The following MRTFA variants were observed in gnomAD, a reference collection of about 807,000 sequenced individuals.
MRTFA encodes myocardin related transcription factor A.
In MRTFA, 20 loss-of-function variants were observed where a neutral mutation model predicts 83.5. That is an observed-to-expected ratio of 0.24 (90% CI 0.17 to 0.35). The LOEUF (loss-of-function observed/expected upper bound fraction) is 0.35. Ranked by LOEUF, MRTFA falls within the 10% of genes least tolerant of loss-of-function variation. The probability of loss-of-function intolerance (pLI) is 1.00; values close to 1 mark genes in which losing one functional copy is unlikely to be tolerated. For missense variants in MRTFA, 1,200 were observed against 1,224.7 expected (o/e 0.98, Z 0.30); for synonymous variants, 659 against 541.2 (o/e 1.22, Z -3.02).
intron 4 of MRTFA, among the ~76,000 whole-genome samples, chr22:40,438,826 C>T (rs1244336530): frequency 6.6e-6 from 1 of 151,690 alleles, no homozygotes; most frequent in Non-Finnish European, 1.5e-5. Flanking sequence ...TTTCAGATAT[C>T]CACTAGGGGG....
intron 3 of MRTFA, among the ~76,000 whole-genome samples, chr22:40,544,227 C>A (rs995986022): frequency 3.3e-5 from 5 of 152,068 alleles, no homozygotes; most frequent in Non-Finnish European, 1.5e-5. Context: ...TTTAGAAATT[C>A]TTTTTGTGTT....
chr22:40,549,582 C>G (rs1415603454), intron 3 of MRTFA, among the ~76,000 whole-genome samples: 1 of 152,118 alleles, frequency 6.6e-6, no homozygotes, highest in African/African-American at 2.4e-5. Context: ...GGAAGAAGCA[C>G]AAGGTGGGGA....
chr22:40,629,618 T>A (rs1228237712), intron 1 of MRTFA, among the ~76,000 whole-genome samples: 2 of 147,000 alleles, frequency 1.4e-5, no homozygotes, highest in Non-Finnish European at 1.5e-5. Context: ...TATATACATA[T>A]ACAAAAAATT....
chr22:40,478,482 ACCCACGGAGGGC>A (rs1026003574), intron 3 of MRTFA, among the ~76,000 whole-genome samples: 3 of 152,110 alleles, frequency 2.0e-5, no homozygotes, highest in African/African-American at 7.2e-5. Context: ...TATTTTCAAA[ACCCACGGAGGGC>A]CTTTTCCTCT....
intron 1 of MRTFA, among the ~76,000 whole-genome samples, chr22:40,609,999 A>G (rs1234171026): frequency 6.6e-6 from 1 of 150,664 alleles, no homozygotes; most frequent in Non-Finnish European, 1.5e-5. Context: ...AACTATCAAG[A>G]TTACACATAC....
intron 1 of MRTFA, among the ~76,000 whole-genome samples, chr22:40,620,124 ATTT>A (rs35417531): frequency 3.8e-5 from 5 of 131,474 alleles, no homozygotes; most frequent in African/African-American, 5.7e-5. Flanking sequence ...CACCCAGCTA[ATTT>A]TTTTTTTTTT....
chr22:40,436,788 A>C (rs2053178489), intron 4 of MRTFA, among the ~76,000 whole-genome samples: 1 of 152,220 alleles, frequency 6.6e-6, no homozygotes, highest in Non-Finnish European at 1.5e-5. Flanking sequence ...TAGAATTTCC[A>C]AAGAGCTGTG....
chr22:40,550,437 G>C (rs1054730839), intron 3 of MRTFA, among the ~76,000 whole-genome samples: 4 of 152,080 alleles, frequency 2.6e-5, no homozygotes, highest in Non-Finnish European at 5.9e-5. Flanking sequence ...TGGACAGAGA[G>C]ACCAGTCAAA....
rs767891309 is a variant in MRTFA, at chr22:40,411,484, C to T, written c.3002G>A (p.Ser1001Asn). 1.1e-5 allele frequency: 18 copies of T among 1,609,902 alleles called. No homozygotes were observed. The highest frequency in any genetic ancestry group is 1.7e-5 in the Admixed American group (1 of 59,918). The change falls in exon 15 of 15, where the codon AGC becomes AAC. Residue 1001 changes from serine to asparagine, a missense_variant. Ser to Asn is a conservative substitution (Grantham distance 46). Coordinates refer to ENST00000355630, the MANE Select transcript of MRTFA (RefSeq NM_020831.6). ...GGCTGTGGTGCTGAGGGGGGCTAGGCTCAGCACGGGACCACCTGACGACAG... is the reference window on the plus strand; with the variant it reads ...GGCTGTGGTGCTGAGGGGGGCTAGGTTCAGCACGGGACCACCTGACGACAG...
At chr22:40,485,650 T>C (rs1199204140) in intron 3 of MRTFA, among the ~76,000 whole-genome samples, 1 of 152,158 alleles carries the variant, frequency 6.6e-6, no homozygotes, top group Non-Finnish European at 1.5e-5. Flanking sequence ...CTCCTACCTA[T>C]TCCTAGATGG....
At chr22:40,515,651 G>A (rs1022969954) in intron 3 of MRTFA, among the ~76,000 whole-genome samples, 10 of 152,164 alleles carry the variant, frequency 6.6e-5, no homozygotes, top group Non-Finnish European at 1.2e-4. Context: ...CAGAGAGGCA[G>A]ATGGAACCTA....
At chr22:40,465,587 G>T (rs138676150) in intron 3 of MRTFA, among the ~76,000 whole-genome samples, 106 of 152,166 alleles carry the variant, frequency 7.0e-4, no homozygotes, top group African/African-American at 2.5e-3. Context: ...TTGAGACAAG[G>T]TCTCACTCTG....
At chr22:40,502,465 C>T (rs969000268) in intron 3 of MRTFA, among the ~76,000 whole-genome samples, 3 of 138,114 alleles carry the variant, frequency 2.2e-5, no homozygotes, top group African/African-American at 8.2e-5. Flanking sequence ...AGACGATGGG[C>T]GGCCGGGCAG....
intron 3 of MRTFA, among the ~76,000 whole-genome samples, chr22:40,510,806 T>C (rs1487347250): frequency 1.3e-5 from 2 of 151,896 alleles, no homozygotes; most frequent in Non-Finnish European, 2.9e-5. Flanking sequence ...AGCACACATC[T>C]CAGAAGAGAC....
At chr22:40,518,104 T>C (rs1327329419) in intron 3 of MRTFA, among the ~76,000 whole-genome samples, 1 of 152,144 alleles carries the variant, frequency 6.6e-6, no homozygotes, top group Non-Finnish European at 1.5e-5. Flanking sequence ...ATTTGGCTGT[T>C]CCTGAGTTTT....
intron 4 of MRTFA, among the ~76,000 whole-genome samples, chr22:40,460,430 G>A (rs1030869092): frequency 2.0e-5 from 3 of 152,180 alleles, no homozygotes; most frequent in African/African-American, 7.2e-5. Flanking sequence ...CAGAATTAGT[G>A]CTGTAATTAC....
chr22:40,426,335 C>T (rs1362918417), intron 7 of MRTFA, among the ~76,000 whole-genome samples: 1 of 152,082 alleles, frequency 6.6e-6, no homozygotes. Flanking sequence ...CTCTCATCTC[C>T]TTGACTCTTT....
At chr22:40,420,821 G>GC (rs1798944931) in intron 10 of MRTFA, 26 bp downstream of exon 10, 3 of 1,611,434 alleles carry the variant, frequency 1.9e-6, no homozygotes, top group Non-Finnish European at 2.5e-6. Flanking sequence ...GAGGGCAGGG[G>GC]CAGGCAGTGA....
chr22:40,450,252 T>C (rs2053461895), intron 4 of MRTFA, among the ~76,000 whole-genome samples: 1 of 152,164 alleles, frequency 6.6e-6, no homozygotes, highest in African/African-American at 2.4e-5. Context: ...GAAGAATATA[T>C]GGCACAAAAG....
Sources: allele counts gnomAD v4.1 joint callset (sites outside exome capture counted in the v4.1 genomes callset), GRCh38; gene constraint gnomAD v4.1.1; transcripts MANE v1.5; gene names NCBI Gene and HGNC (gene_info 2026-07-23, HGNC 2026-07-21).